Variants in ANKFN1 observed in about 807,000 individuals in gnomAD.
ANKFN1 encodes the protein ankyrin repeat and fibronectin type-III domain-containing protein 1.
In ANKFN1, 74 loss-of-function variants were observed where a neutral mutation model predicts 108.7. The observed-to-expected ratio is 0.68, with a 90% CI of 0.56 to 0.83. The LOEUF (loss-of-function observed/expected upper bound fraction) is 0.83, where lower values mean the gene tolerates loss of function less well. Among genes scored for constraint, ANKFN1 ranks in the 40% least tolerant of loss-of-function variants. The pLI is 0.00. For missense variants in ANKFN1, 1,505 were observed against 1,382.3 expected (o/e 1.09, Z -1.41); for synonymous variants, 547 against 516.2 (o/e 1.06, Z -0.81).
chr17:56,088,475 C>T (rs1435604105), intron 4 of ANKFN1, among the ~76,000 whole-genome samples: 1 of 150,996 alleles, frequency 6.6e-6, no homozygotes, highest in Admixed American at 6.6e-5. Flanking sequence ...ATTGGAAGCC[C>T]CCTGAGGCAT....
chr17:56,455,291 T>C (rs1429531661), intron 11 of ANKFN1, among the ~76,000 whole-genome samples: 2 of 152,346 alleles, frequency 1.3e-5, no homozygotes, highest in South Asian at 2.1e-4. Context: ...AAGGGTAGTA[T>C]GTAATGAATA....
intron 3 of ANKFN1, among the ~76,000 whole-genome samples, chr17:56,282,369 C>T (rs1219503038): frequency 6.6e-6 from 1 of 151,676 alleles, no homozygotes; most frequent in African/African-American, 2.4e-5. Context: ...CTACAAATGT[C>T]CTATCTTGAT....
At chr17:56,194,624 G>T (rs1913329052) in intron 1 of ANKFN1, among the ~76,000 whole-genome samples, 1 of 152,172 alleles carries the variant, frequency 6.6e-6, no homozygotes, top group African/African-American at 2.4e-5. Flanking sequence ...GAGCACAGAG[G>T]ATTTTTAGGT....
intron 3 of ANKFN1, among the ~76,000 whole-genome samples, chr17:56,306,415 C>G (rs1477728609): frequency 6.6e-6 from 1 of 152,144 alleles, no homozygotes. Flanking sequence ...AAATCACAAG[C>G]ATTCTTATAC....
At chr17:56,207,744 T>C (rs924685415) in intron 1 of ANKFN1, among the ~76,000 whole-genome samples, 4 of 152,194 alleles carry the variant, frequency 2.6e-5, no homozygotes, top group African/African-American at 7.2e-5. Flanking sequence ...AGCACCTCTC[T>C]CCTTTTTCTT....
chr17:56,189,146 C>CTAAGTAAGTA (rs1249150091), intron 1 of ANKFN1, among the ~76,000 whole-genome samples: 3 of 146,570 alleles, frequency 2.0e-5, no homozygotes, highest in African/African-American at 7.6e-5. Context: ...ACTAGTAAAC[C>CTAAGTAAGTA]TAAGTAAGTA....
At chr17:56,185,483 C>T (rs1046122878) in intron 1 of ANKFN1, among the ~76,000 whole-genome samples, 3 of 152,100 alleles carry the variant, frequency 2.0e-5, no homozygotes, top group Non-Finnish European at 4.4e-5. Context: ...GCTTCTCTGT[C>T]GAAGAATGGG....
intron 1 of ANKFN1, among the ~76,000 whole-genome samples, chr17:56,179,962 C>T (rs1911531257): frequency 6.6e-6 from 1 of 152,164 alleles, no homozygotes; most frequent in Non-Finnish European, 1.5e-5. Context: ...AGCTTGATGT[C>T]TAACCAGGGA....
intron 4 of ANKFN1, among the ~76,000 whole-genome samples, chr17:56,121,674 G>T (rs546389300): frequency 1.8e-4 from 27 of 152,082 alleles, no homozygotes; most frequent in Non-Finnish European, 3.5e-4. Flanking sequence ...AGGGTTGGTA[G>T]GTTGGACAGT....
intron 3 of ANKFN1, among the ~76,000 whole-genome samples, chr17:56,243,068 A>C (rs780413774): frequency 1.3e-5 from 2 of 152,066 alleles, no homozygotes; most frequent in Non-Finnish European, 2.9e-5. Context: ...CAAATGTTCC[A>C]TTCAATTTTT....
chr17:56,156,192 G>A lies in ANKFN1; in HGVS notation c.-71+2662G>A, dbSNP rs186802793. On this transcript the variant is annotated intron_variant, in intron 1 of 20. Transcript: ENST00000682825. The stretch of plus-strand genomic sequence containing the variant: ...CCTCCAGAGTTCAAGCAATTCTCAT[G>A]CCTCAACCTCTCGAGTAGTTGGGAC... Among the ~76,000 whole-genome samples the A allele has an allele frequency of 5.1e-3, 773 of 151,088 alleles. 4 individuals carry two copies. Among genetic ancestry groups the A allele is most frequent in the Non-Finnish European group, 8.0e-3 (540 of 67,908 alleles).
At chr17:56,469,926 G>A (rs1032145754) in intron 15 of ANKFN1, among the ~76,000 whole-genome samples, 4 of 151,896 alleles carry the variant, frequency 2.6e-5, no homozygotes, top group African/African-American at 7.3e-5. Context: ...TATTTTTCCT[G>A]ATGCTCTCCC....
intron 4 of ANKFN1, among the ~76,000 whole-genome samples, chr17:56,123,970 T>C (rs923715090): frequency 1.3e-5 from 2 of 152,302 alleles, no homozygotes; most frequent in Admixed American, 6.5e-5. Flanking sequence ...GCATCTCTTC[T>C]GAATTTGGGC....
At chr17:56,164,650 C>CT (rs1909985011) in intron 1 of ANKFN1, among the ~76,000 whole-genome samples, 1 of 152,158 alleles carries the variant, frequency 6.6e-6, no homozygotes, top group Admixed American at 6.5e-5. Flanking sequence ...ATAGCAAAGT[C>CT]TTTTTAACAC....
At chr17:56,217,159 C>G (rs1374700400) in intron 2 of ANKFN1, among the ~76,000 whole-genome samples, 1 of 152,124 alleles carries the variant, frequency 6.6e-6, no homozygotes, top group African/African-American at 2.4e-5. Flanking sequence ...AAAGGACCTC[C>G]CTCCATCCTT....
At chr17:56,108,729 T>A (rs1013406398) in intron 4 of ANKFN1, among the ~76,000 whole-genome samples, 2 of 152,240 alleles carry the variant, frequency 1.3e-5, no homozygotes, top group Non-Finnish European at 2.9e-5. Flanking sequence ...TCCAAAGTAC[T>A]AGAATTAGCA....
intron 8 of ANKFN1, among the ~76,000 whole-genome samples, chr17:56,439,715 T>A (rs1406480323): frequency 6.6e-6 from 1 of 152,174 alleles, no homozygotes; most frequent in Non-Finnish European, 1.5e-5. Context: ...GATGTGGAGA[T>A]AATGAAAGGA....
chr17:56,448,948 T>C, intron 10 of ANKFN1, 131 bp from the exon 11 acceptor site: 1 of 643,226 alleles, frequency 1.6e-6, no homozygotes. Flanking sequence ...GCCTGCTTGC[T>C]CTGCATGTGC....
At chr17:56,079,231 G>A (rs1177087332) in intron 4 of ANKFN1, among the ~76,000 whole-genome samples, 1 of 152,206 alleles carries the variant, frequency 6.6e-6, no homozygotes, top group East Asian at 1.9e-4. Flanking sequence ...GATGCTGCTT[G>A]AGAATGATTC....
Sources: gnomAD v4.1 joint callset for allele counts (sites outside exome capture counted in the v4.1 genomes callset) on GRCh38, gnomAD v4.1.1 for gene constraint, MANE v1.5 for transcripts, NCBI Gene and HGNC (gene_info 2026-07-23, HGNC 2026-07-21) for gene names.